Variants in DIS3L2 observed in about 807,000 individuals in gnomAD.
DIS3L2 encodes the protein DIS3 like 3'-5' exoribonuclease 2.
Under a neutral mutation model 97.5 loss-of-function variants are expected in DIS3L2, and 34 were observed. The ratio of observed to expected loss-of-function variants is 0.35; its 90% CI spans 0.27 to 0.46. The LOEUF is 0.46. DIS3L2 is among the 20% of genes least tolerant of loss of function. The pLI, the probability that DIS3L2 is intolerant of heterozygous loss-of-function variation, is 1.00. For synonymous variants in DIS3L2, 435 were observed against 445.2 expected, an observed-to-expected ratio of 0.98 and a Z score of 0.29; for missense variants, 1,038 against 1,146.0, an observed-to-expected ratio of 0.91 and a Z score of 1.36.
chr2:232,157,343 A>T (rs1348479559), intron 8 of DIS3L2, among the ~76,000 whole-genome samples: 1 of 152,146 alleles, frequency 6.6e-6, no homozygotes, highest in African/African-American at 2.4e-5. Context: ...TGCCTGTAGG[A>T]TGCTAAATCA....
chr2:232,153,955 ATCT>A, intron 8 of DIS3L2, among the ~76,000 whole-genome samples: 1 of 147,390 alleles, frequency 6.8e-6, no homozygotes, highest in South Asian at 2.2e-4. Flanking sequence ...CATTCATTTC[ATCT>A]TCCATTGCTG....
chr2:232,215,367 G>T (rs192799581), intron 10 of DIS3L2, among the ~76,000 whole-genome samples: 1 of 152,254 alleles, frequency 6.6e-6, no homozygotes, highest in East Asian at 1.9e-4. Flanking sequence ...AAAAAGAAGG[G>T]TCTGTCCCAC....
At chr2:232,104,460 A>G (rs1697298836) in intron 6 of DIS3L2, among the ~76,000 whole-genome samples, 1 of 152,182 alleles carries the variant, frequency 6.6e-6, no homozygotes, top group African/African-American at 2.4e-5. Context: ...GCAATTTTTA[A>G]GTGTACAATT....
intron 10 of DIS3L2, among the ~76,000 whole-genome samples, chr2:232,231,028 T>A (rs985300373): frequency 6.6e-6 from 1 of 152,220 alleles, no homozygotes; most frequent in African/African-American, 2.4e-5. Flanking sequence ...AGACACCTTT[T>A]CATTACTAAT....
intron 6 of DIS3L2, among the ~76,000 whole-genome samples, chr2:232,120,133 G>A (rs1266436895): frequency 6.6e-6 from 1 of 152,116 alleles, no homozygotes; most frequent in Admixed American, 6.6e-5. Context: ...ACCTCATTAT[G>A]CTTATGTTGC....
chr2:232,086,681 A>G (rs538352271), intron 5 of DIS3L2, among the ~76,000 whole-genome samples: 1,658 of 134,126 alleles, frequency 0.012, 43 homozygotes, highest in Non-Finnish European at 0.018. Flanking sequence ...GTGTGTGTAT[A>G]TATATATTTT....
chr2:232,238,217 C>T (rs377391943), intron 10 of DIS3L2, among the ~76,000 whole-genome samples: 2 of 152,090 alleles, frequency 1.3e-5, no homozygotes, highest in Admixed American at 6.5e-5. Flanking sequence ...TTGTTCATCA[C>T]CCAGAATGAG....
At chr2:232,034,850 A>G (rs553089431) in intron 5 of DIS3L2, among the ~76,000 whole-genome samples, 17 of 152,088 alleles carry the variant, frequency 1.1e-4, no homozygotes, top group African/African-American at 3.9e-4. Context: ...TAAGATTTCC[A>G]TTGTTTTGCA....
At chr2:232,255,954 CGGCA>C (rs1693551097) in intron 12 of DIS3L2, among the ~76,000 whole-genome samples, 1 of 152,170 alleles carries the variant, frequency 6.6e-6, no homozygotes, top group African/African-American at 2.4e-5. Flanking sequence ...CCTTAACTAC[CGGCA>C]CTAATACCTG....
At chr2:232,028,144 T>C (rs1214209256) in intron 4 of DIS3L2, among the ~76,000 whole-genome samples, 10 of 152,160 alleles carry the variant, frequency 6.6e-5, no homozygotes, top group Non-Finnish European at 1.5e-4. Context: ...CTTCCCCCAG[T>C]CCTCTAAGTC....
intron 9 of DIS3L2, among the ~76,000 whole-genome samples, chr2:232,205,921 T>G (rs892660298): frequency 6.6e-6 from 1 of 152,208 alleles, no homozygotes; most frequent in Non-Finnish European, 1.5e-5. Context: ...CCCCCATAAG[T>G]GTACTCTATA....
rs549481756 is a variant in DIS3L2, at chr2:232,031,866, G to A, written c.366+1786G>A. Among the ~76,000 whole-genome samples the A allele has an allele frequency of 7.4e-4, 112 of 152,326 alleles. No individual in the cohort carries two copies. In the South Asian group the frequency reaches 9.1e-3, roughly 12 times the overall value. ...TTATGGCTGCATAGTATTCCATGGT[G>A]TATATGTGCCACATTTTCTTTATCC... On this transcript the variant is annotated intron_variant, in intron 5 of 20. Transcript: ENST00000325385.
Position 232,160,673 on chromosome 2 carries a change from C to T in DIS3L2, c.951-2786C>T, listed in dbSNP as rs560983369. ...GGCAGATTGCTTGAGCTCAGGAGTT[C>T]GAGTCCCAGCCTGGGCGACGTGGCA... On this transcript the variant is annotated intron_variant, in intron 8 of 20. Coordinates refer to ENST00000325385, the MANE Select transcript of DIS3L2 (RefSeq NM_152383.5). Among the ~76,000 whole-genome samples, 10 of 152,026 alleles carry T rather than the reference C, an allele frequency of 6.6e-5. No individual in the cohort carries two copies. In the East Asian group the frequency reaches 9.7e-4, roughly 15 times the overall value.
intron 13 of DIS3L2, among the ~76,000 whole-genome samples, chr2:232,271,282 C>A (rs1432231146): frequency 2.0e-4 from 30 of 152,186 alleles, no homozygotes; most frequent in Admixed American, 1.8e-3. Flanking sequence ...ATTCTCAGAT[C>A]CTCAGAGAAC....
At chr2:231,969,798 G>T (rs1265523714) in intron 1 of DIS3L2, among the ~76,000 whole-genome samples, 1 of 152,108 alleles carries the variant, frequency 6.6e-6, no homozygotes, top group Non-Finnish European at 1.5e-5. Context: ...TTCTCTTAGG[G>T]AGAAAGCATT....
intron 5 of DIS3L2, among the ~76,000 whole-genome samples, chr2:232,035,421 C>T (rs1033839141): frequency 6.6e-6 from 1 of 152,184 alleles, no homozygotes; most frequent in Non-Finnish European, 1.5e-5. Flanking sequence ...CTCCTAAATA[C>T]AGTACACTGA....
intron 11 of DIS3L2, among the ~76,000 whole-genome samples, chr2:232,245,052 C>T (rs549727263): frequency 6.6e-6 from 1 of 152,338 alleles, no homozygotes; most frequent in South Asian, 2.1e-4. Flanking sequence ...GTGGTTCACA[C>T]TGCATAGCAA....
At chr2:232,248,756 A>G (rs1693334622) in intron 11 of DIS3L2, among the ~76,000 whole-genome samples, 1 of 152,208 alleles carries the variant, frequency 6.6e-6, no homozygotes. Flanking sequence ...TAGTCTCTTA[A>G]TGTTCCAACA....
chr2:232,229,060 G>A (rs1692722387), intron 10 of DIS3L2, among the ~76,000 whole-genome samples: 1 of 152,148 alleles, frequency 6.6e-6, no homozygotes, highest in Non-Finnish European at 1.5e-5. Context: ...CTCTTTCTTA[G>A]CAGTAACCTT....
Sources: allele counts gnomAD v4.1 joint callset (sites outside exome capture counted in the v4.1 genomes callset), GRCh38; gene constraint gnomAD v4.1.1; transcripts MANE v1.5; gene names NCBI Gene and HGNC (gene_info 2026-07-23, HGNC 2026-07-21).